Variants in XPO7 observed in about 807,000 individuals in gnomAD.
The protein encoded by XPO7 is exportin 7.
In XPO7, 21 loss-of-function variants were observed where a neutral mutation model predicts 144.3. The observed-to-expected ratio is 0.15, with a 90% CI of 0.10 to 0.21. The LOEUF is 0.21. Among genes scored for constraint, XPO7 ranks in the 10% least tolerant of loss-of-function variants. XPO7 has a pLI of 1.00. For missense variants in XPO7, 808 were observed against 1,325.8 expected, an observed-to-expected ratio of 0.61 and a Z score of 6.06; for synonymous variants, 580 against 499.6, an observed-to-expected ratio of 1.16 and a Z score of -2.15.
chr8:21,939,314 C>G (rs1810918503), intron 1 of XPO7, among the ~76,000 whole-genome samples: 1 of 151,988 alleles, frequency 6.6e-6, no homozygotes, highest in Admixed American at 6.6e-5. Flanking sequence ...TTCCTTCTCC[C>G]AGGTTAAAGC....
intron 8 of XPO7, among the ~76,000 whole-genome samples, chr8:21,979,398 T>G (rs1281262388): frequency 6.4e-5 from 9 of 140,410 alleles, no homozygotes; most frequent in South Asian, 2.9e-4. Flanking sequence ...TTTTTTTTTC[T>G]TTTTTTTTTT....
intron 13 of XPO7, 133 bp downstream of exon 13, chr8:21,985,824 G>T: frequency 1.4e-6 from 1 of 705,168 alleles, no homozygotes; most frequent in Non-Finnish European, 2.4e-6. Flanking sequence ...CAAGGCTTTT[G>T]TAAGTGCCAT....
At chr8:21,950,382 T>A (rs1485023919) in intron 1 of XPO7, among the ~76,000 whole-genome samples, 1 of 152,234 alleles carries the variant, frequency 6.6e-6, no homozygotes, top group Non-Finnish European at 1.5e-5. Context: ...CTATTTCATA[T>A]TCCTAAACTA....
intron 25 of XPO7, 87 bp from the exon 26 acceptor site, chr8:22,003,131 TA>T: frequency 1.0e-6 from 1 of 994,986 alleles, no homozygotes; most frequent in Non-Finnish European, 1.5e-6. Context: ...GCCTTCAGCC[TA>T]ATATACTCCT....
At chr8:21,981,981 C>CTT (rs1812422812) in intron 10 of XPO7, 104 bp downstream of exon 10, 7 of 1,482,482 alleles carry the variant, frequency 4.7e-6, no homozygotes, top group Non-Finnish European at 6.4e-6. Flanking sequence ...CAAAGGTAAC[C>CTT]ATAAGTCCAG....
At chr8:22,002,054 A>C in intron 24 of XPO7, 58 bp from the exon 25 acceptor site, 1 of 1,541,168 alleles carries the variant, frequency 6.5e-7, no homozygotes, top group Non-Finnish European at 8.8e-7. Context: ...AAGATAGTCC[A>C]TATTTGTCCA....
rs562651790 is a variant in XPO7 at position 21,944,080 on chromosome 8, G to A, written c.19-22777G>A. Among the ~76,000 whole-genome samples the A allele has an allele frequency of 5.3e-5, 8 of 152,210 alleles. No individual in the cohort carries two copies. The South Asian group carries it at 1.2e-3, about 24-fold the overall frequency. ...AAATTTAATATAGTCTCAAATATTCGTTGAATCATTGAGTAACTAGTTGAA... is the reference window on the plus strand; with the variant it reads ...AAATTTAATATAGTCTCAAATATTCATTGAATCATTGAGTAACTAGTTGAA... On this transcript the variant is annotated intron_variant, in intron 1 of 27. Transcript: ENST00000252512.
chr8:21,993,917 C>G (rs1812850751), intron 19 of XPO7, among the ~76,000 whole-genome samples: 1 of 142,904 alleles, frequency 7.0e-6, no homozygotes, highest in East Asian at 2.0e-4. Context: ...TTTGCCGTGT[C>G]TCTCTCTCTC....
chr8:21,970,369 A>AAACAC, intron 4 of XPO7, 59 bp downstream of exon 4: 3 of 1,135,686 alleles, frequency 2.6e-6, no homozygotes, highest in Admixed American at 2.5e-5. Context: ...CATATATATA[A>AAACAC]ACACACACAC....
intron 1 of XPO7, among the ~76,000 whole-genome samples, chr8:21,947,254 T>TA (rs1162641865): frequency 6.6e-6 from 1 of 152,196 alleles, no homozygotes; most frequent in Admixed American, 6.5e-5. Context: ...AGATCACTGT[T>TA]ACTCAAGAGG....
rs1812554107 is a variant in XPO7 at position 21,985,668 on chromosome 8, C to T, written c.1554C>T (p.Ala518=). The T allele has an allele frequency of 6.2e-7, 1 of 1,613,646 alleles. No homozygotes were observed. Among genetic ancestry groups the T allele is most frequent in the Non-Finnish European group, 8.5e-7 (1 of 1,179,876 alleles). The stretch of plus-strand genomic sequence containing the variant: ...TTGCCAGCACTGATGAGCAAGACGC[C>T]ATGGATGGTGAGCTTGTCTGTCGGT... ...VSFASTDEQD[A]MDGELVCRVL... is the part of the protein sequence containing the mutation. Residue 518 remains alanine (A), a synonymous_variant, in exon 13 of 28, where the codon GCC becomes GCT. Transcript: ENST00000252512.
chr8:21,975,679 G>A (rs1167982912), intron 6 of XPO7, among the ~76,000 whole-genome samples: 3 of 152,224 alleles, frequency 2.0e-5, no homozygotes, highest in Non-Finnish European at 4.4e-5. Flanking sequence ...AGCAAAAGCT[G>A]TTGCACCCGC....
intron 1 of XPO7, among the ~76,000 whole-genome samples, chr8:21,955,011 A>G (rs773383989): frequency 6.6e-5 from 10 of 152,242 alleles, no homozygotes. Context: ...CTGCTTATAA[A>G]AATGCAGTTT....
intron 1 of XPO7, among the ~76,000 whole-genome samples, chr8:21,929,034 A>G (rs1344249813): frequency 6.6e-6 from 1 of 152,176 alleles, no homozygotes; most frequent in Non-Finnish European, 1.5e-5. Context: ...TGGGTGGAGG[A>G]CGTACCAGCC....
rs147709857 is a variant in XPO7 at position 21,948,737 on chromosome 8, G to A, written c.19-18120G>A. ...TCACCAGAAAAATAAGTATTGAGAG[G>A]CCAGAATTCATCATCCTATCAAAAG... On this transcript the variant is annotated intron_variant, in intron 1 of 27. Transcript: ENST00000252512. Among the ~76,000 whole-genome samples the A allele has an allele frequency of 4.7e-3, 709 of 152,102 alleles. 6 individuals carry two copies. Among genetic ancestry groups the A allele is most frequent in the African/African-American group, 0.016 (669 of 41,458 alleles).
At chr8:21,927,049 T>G (rs6557659) in intron 1 of XPO7, among the ~76,000 whole-genome samples, 33,237 of 151,956 alleles carry the variant, frequency 0.22, 5,036 homozygotes, top group African/African-American at 0.43. Flanking sequence ...TAAAACCAAA[T>G]TAAATTGTTT....
At chr8:21,976,274 A>T in intron 6 of XPO7, 82 bp from the exon 7 acceptor site, 1 of 1,498,742 alleles carries the variant, frequency 6.7e-7, no homozygotes, top group South Asian at 1.3e-5. Flanking sequence ...TCCTTTTCTG[A>T]CTTAACAGCT....
chr8:21,969,902 G>T, intron 3 of XPO7: 1 of 550,876 alleles, frequency 1.8e-6, no homozygotes, highest in Non-Finnish European at 3.1e-6. Context: ...CCTAGGGATA[G>T]AGTCAAAGCA....
At chr8:21,936,951 C>G (rs748448879) in intron 1 of XPO7, among the ~76,000 whole-genome samples, 2 of 152,146 alleles carry the variant, frequency 1.3e-5, no homozygotes, top group Non-Finnish European at 2.9e-5. Flanking sequence ...CAGTACTGGC[C>G]TGAGTGCCTT....
Sources: allele counts gnomAD v4.1 joint callset (sites outside exome capture counted in the v4.1 genomes callset), GRCh38; gene constraint gnomAD v4.1.1; transcripts MANE v1.5; gene names NCBI Gene and HGNC (gene_info 2026-07-23, HGNC 2026-07-21).